The following CNTN4 variants were observed in gnomAD, a reference collection of about 807,000 sequenced individuals.
The protein encoded by CNTN4 is contactin-4.
In CNTN4, 77 loss-of-function variants were observed where a neutral mutation model predicts 122.5. The observed-to-expected ratio is 0.63, with a 90% CI of 0.52 to 0.76. The LOEUF (loss-of-function observed/expected upper bound fraction) is 0.76, where lower values mean the gene tolerates loss of function less well. CNTN4 is among the 30% of genes least tolerant of loss of function. The pLI, the probability that CNTN4 is intolerant of heterozygous loss-of-function variation, is 0.00. For missense variants in CNTN4, 1,256 were observed against 1,259.1 expected (o/e 1.00, Z 0.04); for synonymous variants, 512 against 447.0 (o/e 1.15, Z -1.83).
chr3:2,857,667 T>C (rs2093630657), intron 7 of CNTN4, among the ~76,000 whole-genome samples: 2 of 152,162 alleles, frequency 1.3e-5, no homozygotes, highest in African/African-American at 4.8e-5. Flanking sequence ...CGCCTTGACC[T>C]CCTGGGCGCA....
chr3:2,534,940 G>T (rs1192438389), intron 3 of CNTN4, among the ~76,000 whole-genome samples: 4 of 150,752 alleles, frequency 2.7e-5, no homozygotes, highest in Non-Finnish European at 4.4e-5. Context: ...GTGTTGAGGA[G>T]ATGGGATTTT....
intron 4 of CNTN4, among the ~76,000 whole-genome samples, chr3:2,657,512 G>C (rs1315505617): frequency 6.6e-6 from 1 of 152,138 alleles, no homozygotes; most frequent in African/African-American, 2.4e-5. Flanking sequence ...AGGAGGTTTT[G>C]CGTTTGTGAA....
chr3:2,602,180 C>T lies in CNTN4; in HGVS notation c.55+30622C>T, dbSNP rs145958922. On this transcript the variant is annotated intron_variant, in intron 4 of 24. Transcript: ENST00000418658. ...TGGAAGCATTCCCTTTGAAAACTGG[C>T]ACAAGACAGGGATGCCCTCTCTCAC... Among the ~76,000 whole-genome samples, 1,037 of 152,242 alleles carry T rather than the reference C, an allele frequency of 6.8e-3. 18 individuals carry two copies. Among genetic ancestry groups the T allele is most frequent in the African/African-American group, 0.024 (996 of 41,544 alleles).
intron 14 of CNTN4, chr3:2,988,766 T>A (rs562719291): frequency 2.9e-6 from 1 of 350,442 alleles, no homozygotes; most frequent in Non-Finnish European, 5.3e-6. Flanking sequence ...ATTAAATTTC[T>A]TTCAAGTCTC....
At chr3:2,219,788 T>C (rs1381487374) in intron 2 of CNTN4, among the ~76,000 whole-genome samples, 2 of 152,106 alleles carry the variant, frequency 1.3e-5, no homozygotes, top group Non-Finnish European at 2.9e-5. Context: ...TTGAGATGGA[T>C]CTTAAACCAT....
chr3:2,899,078 A>G (rs890014726), intron 10 of CNTN4, among the ~76,000 whole-genome samples: 4 of 152,226 alleles, frequency 2.6e-5, no homozygotes, highest in Admixed American at 1.3e-4. Context: ...TCATCCCATC[A>G]GTAGAGGATT....
At chr3:3,009,519 C>T (rs1035514450) in intron 14 of CNTN4, among the ~76,000 whole-genome samples, 5 of 151,060 alleles carry the variant, frequency 3.3e-5, no homozygotes, top group African/African-American at 7.3e-5. Context: ...CTGCAAGCTC[C>T]GCCCCCCGGG....
intron 3 of CNTN4, among the ~76,000 whole-genome samples, chr3:2,487,714 CTCTT>C (rs1236074184): frequency 6.6e-6 from 1 of 152,236 alleles, no homozygotes; most frequent in Middle Eastern, 3.4e-3. Context: ...TGATATTGAT[CTCTT>C]TCTTCTTATA....
intron 3 of CNTN4, among the ~76,000 whole-genome samples, chr3:2,438,057 T>A (rs756916807): frequency 2.5e-4 from 38 of 152,308 alleles, no homozygotes; most frequent in Admixed American, 7.8e-4. Context: ...CCTTACCTTC[T>A]AATTTTTTAA....
chr3:2,557,485 T>A (rs2078766371), intron 3 of CNTN4, among the ~76,000 whole-genome samples: 1 of 152,150 alleles, frequency 6.6e-6, no homozygotes, highest in South Asian at 2.1e-4. Flanking sequence ...CCCAGCACTT[T>A]GGGAGGCCGA....
At chr3:2,217,684 G>GAC (rs1250710913) in intron 2 of CNTN4, among the ~76,000 whole-genome samples, 1 of 151,424 alleles carries the variant, frequency 6.6e-6, no homozygotes, top group Non-Finnish European at 1.5e-5. Context: ...GCATTATAAA[G>GAC]AGAGAGAGAA....
intron 13 of CNTN4, among the ~76,000 whole-genome samples, chr3:2,955,914 A>G (rs1321044378): frequency 6.6e-6 from 1 of 152,224 alleles, no homozygotes; most frequent in African/African-American, 2.4e-5. Context: ...AAGTAGAATT[A>G]CCATATGATT....
chr3:2,947,078 T>G (rs2094686702), intron 13 of CNTN4, among the ~76,000 whole-genome samples: 1 of 152,184 alleles, frequency 6.6e-6, no homozygotes, highest in Non-Finnish European at 1.5e-5. Flanking sequence ...ACATGAAATC[T>G]TCAGTTAGCC....
intron 4 of CNTN4, among the ~76,000 whole-genome samples, chr3:2,671,110 T>C (rs1256305840): frequency 6.6e-6 from 1 of 152,182 alleles, no homozygotes; most frequent in Non-Finnish European, 1.5e-5. Flanking sequence ...TGTGGCGTTC[T>C]CTGTATTTCC....
At chr3:2,677,333 T>A (rs572257572) in intron 4 of CNTN4, among the ~76,000 whole-genome samples, 28 of 150,086 alleles carry the variant, frequency 1.9e-4, no homozygotes, top group Middle Eastern at 3.5e-3. Context: ...ATTGAGATTT[T>A]TTTTTTTTGT....
chr3:2,521,239 A>C (rs2077201031), intron 3 of CNTN4, among the ~76,000 whole-genome samples: 1 of 151,700 alleles, frequency 6.6e-6, no homozygotes, highest in South Asian at 2.1e-4. Flanking sequence ...ATTGAGGCAA[A>C]CTCTTATTTG....
At chr3:2,360,361 T>TC (rs1216042709) in intron 3 of CNTN4, among the ~76,000 whole-genome samples, 2 of 151,974 alleles carry the variant, frequency 1.3e-5, no homozygotes, top group Admixed American at 1.3e-4. Context: ...TTCCTTTTGC[T>TC]CCCCCCACCC....
At chr3:2,922,434 A>G (rs2094437662) in intron 12 of CNTN4, among the ~76,000 whole-genome samples, 1 of 152,022 alleles carries the variant, frequency 6.6e-6, no homozygotes, top group Admixed American at 6.6e-5. Context: ...GATGCTCACA[A>G]AATGGGAGAA....
intron 3 of CNTN4, among the ~76,000 whole-genome samples, chr3:2,344,939 A>C (rs1413904374): frequency 3.3e-5 from 5 of 152,214 alleles, no homozygotes; most frequent in Admixed American, 6.5e-5. Context: ...AATTTCTGTT[A>C]GCACTTAATG....
Sources: gnomAD v4.1 joint callset for allele counts (sites outside exome capture counted in the v4.1 genomes callset) on GRCh38, gnomAD v4.1.1 for gene constraint, MANE v1.5 for transcripts, NCBI Gene and HGNC (gene_info 2026-07-23, HGNC 2026-07-21) for gene names.